The following CDS2 variants were observed in gnomAD, a reference collection of about 807,000 sequenced individuals.
The protein encoded by CDS2 is phosphatidate cytidylyltransferase 2.
A neutral mutation model predicts 59.0 loss-of-function variants in CDS2; 47 were observed. That is an observed-to-expected ratio of 0.80 (90% CI 0.63 to 1.02). The LOEUF (loss-of-function observed/expected upper bound fraction) is 1.02, where lower values mean the gene tolerates loss of function less well. Ranked by LOEUF, CDS2 falls within the 50% of genes least tolerant of loss-of-function variation. The pLI, the probability that CDS2 is intolerant of heterozygous loss-of-function variation, is 0.00. For synonymous variants in CDS2, 207 were observed against 206.4 expected, an observed-to-expected ratio of 1.00 and a Z score of -0.02; for missense variants, 356 against 558.9, an observed-to-expected ratio of 0.64 and a Z score of 3.66.
chr20:5,163,270 T>C (rs1184728693), intron 1 of CDS2, among the ~76,000 whole-genome samples: 1 of 152,242 alleles, frequency 6.6e-6, no homozygotes, highest in East Asian at 1.9e-4. Flanking sequence ...TATTTTTATT[T>C]ATTTTTTTGA....
chr20:5,127,727 T>A (rs891800743), intron 1 of CDS2, among the ~76,000 whole-genome samples: 3 of 151,706 alleles, frequency 2.0e-5, no homozygotes, highest in African/African-American at 7.3e-5. Context: ...GTTGATGGGT[T>A]GTTTCCTGCA....
At chr20:5,177,485 A>G (rs1218578880) in intron 4 of CDS2, among the ~76,000 whole-genome samples, 1 of 152,142 alleles carries the variant, frequency 6.6e-6, no homozygotes, top group Admixed American at 6.5e-5. Context: ...TTAAAGCAAA[A>G]AGAAAAACCT....
intron 1 of CDS2, among the ~76,000 whole-genome samples, chr20:5,169,656 C>A (rs964938654): frequency 7.2e-5 from 11 of 152,150 alleles, no homozygotes; most frequent in Non-Finnish European, 5.9e-5. Context: ...CTTGATAATG[C>A]CCATTACAAA....
At chr20:5,163,313 G>T (rs1412563763) in intron 1 of CDS2, among the ~76,000 whole-genome samples, 2 of 151,510 alleles carry the variant, frequency 1.3e-5, no homozygotes, top group Non-Finnish European at 2.9e-5. Flanking sequence ...CCAGGCTGAA[G>T]TGCAATGGCT....
intron 1 of CDS2, chr20:5,168,607 G>T (rs1468668209): frequency 1.9e-6 from 1 of 518,748 alleles, no homozygotes; most frequent in South Asian, 1.4e-5. Context: ...ATCCAGGTAG[G>T]AGGGTGGGCC....
chr20:5,159,596 G>T (rs1305616197), intron 1 of CDS2, among the ~76,000 whole-genome samples: 1 of 152,050 alleles, frequency 6.6e-6, no homozygotes, highest in Non-Finnish European at 1.5e-5. Flanking sequence ...CAGACTATTA[G>T]CAAGATGTCA....
intron 1 of CDS2, among the ~76,000 whole-genome samples, chr20:5,171,559 G>A (rs1296577899): frequency 6.6e-6 from 1 of 152,148 alleles, no homozygotes; most frequent in East Asian, 1.9e-4. Context: ...GGTTGCCGAT[G>A]GTGTGTGGGT....
intron 1 of CDS2, among the ~76,000 whole-genome samples, chr20:5,129,855 A>G (rs2090589843): frequency 6.6e-6 from 1 of 152,098 alleles, no homozygotes; most frequent in South Asian, 2.1e-4. Context: ...CTGAGACTAC[A>G]GACGTGAGCC....
intron 1 of CDS2, among the ~76,000 whole-genome samples, chr20:5,137,651 A>G (rs1338913523): frequency 6.6e-5 from 10 of 151,716 alleles, no homozygotes; most frequent in Non-Finnish European, 1.2e-4. Context: ...TCTCTACAAA[A>G]ATATTTTTTA....
intron 1 of CDS2, among the ~76,000 whole-genome samples, chr20:5,133,610 C>T (rs971600161): frequency 2.6e-5 from 4 of 152,152 alleles, no homozygotes; most frequent in Non-Finnish European, 4.4e-5. Flanking sequence ...TGACCGCAAC[C>T]TCTGCCTCCT....
At chr20:5,130,926 C>G (rs7264168) in intron 1 of CDS2, among the ~76,000 whole-genome samples, 22,379 of 151,040 alleles carry the variant, frequency 0.15, 2,220 homozygotes, top group African/African-American at 0.28. Flanking sequence ...CCCATCTCTA[C>G]TAAAAATACA....
rs2090971941 is a variant in CDS2, at chr20:5,173,529, G to C, written c.64G>C (p.Glu22Gln). ...CTGTATTTCTGCCACTTAGGAGTCA[G>C]AGTCAGAAGCAAAGGTAGATGGAGA... ...PVAPPEDKES[E>Q]SEAKVDGETA... Residue 22 changes from glutamate (E) to glutamine (Q), a missense_variant, in exon 2 of 13, where the codon GAG (glutamate) becomes CAG (glutamine). Glu to Gln is a conservative substitution (Grantham distance 29). Coordinates refer to ENST00000460006, the MANE Select transcript of CDS2 (RefSeq NM_003818.4). 1 of 1,614,062 alleles carries C rather than the reference G, an allele frequency of 6.2e-7. No individual in the cohort carries two copies. The highest frequency in any genetic ancestry group is 1.7e-5 in the Admixed American group (1 of 60,004).
At chr20:5,152,641 G>C (rs975226929) in intron 1 of CDS2, among the ~76,000 whole-genome samples, 4 of 152,192 alleles carry the variant, frequency 2.6e-5, no homozygotes, top group African/African-American at 9.7e-5. Flanking sequence ...TACTCGGGAG[G>C]CTGAGGCAGG....
chr20:5,189,096 TCACAG>T lies in CDS2; in HGVS notation c.1014_1018del (p.Ser339ArgfsTer25). ...CGGTCCGGATGTACCCCTTCCAGAT[TCACAG>T]CATCGCTCTCTCCACCTTTGCCTCG... On this transcript the variant is annotated frameshift_variant, in exon 11 of 13. Coordinates refer to ENST00000460006, the MANE Select transcript of CDS2 (RefSeq NM_003818.4). LOFTEE classifies it high-confidence loss of function. The T allele has an allele frequency of 6.2e-7, 1 of 1,614,200 alleles. No individual in the cohort carries two copies. The highest frequency in any genetic ancestry group is 1.1e-5 in the South Asian group (1 of 91,084).
At position 5,186,183 on chromosome 20, in the gene CDS2, C is replaced by T. The variant is rs1007050492; in HGVS notation, c.828+357C>T. Among the ~76,000 whole-genome samples the T allele has an allele frequency of 2.6e-5, 4 of 152,238 alleles. No individual in the cohort carries two copies. The South Asian group carries it at 8.3e-4, about 31-fold the overall frequency. ...TGCCCAGAGGTGGGTGATTTTCCTGCCCTTTCCAGAGCACCATTCTCTGCT... is the reference window on the plus strand; with the variant it reads ...TGCCCAGAGGTGGGTGATTTTCCTGTCCTTTCCAGAGCACCATTCTCTGCT... On this transcript the variant is annotated intron_variant, in intron 9 of 12. Coordinates refer to ENST00000460006, the MANE Select transcript of CDS2 (RefSeq NM_003818.4).
intron 1 of CDS2, among the ~76,000 whole-genome samples, chr20:5,135,142 G>T (rs1219305850): frequency 6.6e-6 from 1 of 152,104 alleles, no homozygotes; most frequent in Non-Finnish European, 1.5e-5. Flanking sequence ...GTCTTAAAAT[G>T]TTGACCATTG....
chr20:5,150,670 C>T (rs998868466), intron 1 of CDS2, among the ~76,000 whole-genome samples: 2 of 152,312 alleles, frequency 1.3e-5, no homozygotes, highest in Admixed American at 6.5e-5. Flanking sequence ...GCCCTCATCC[C>T]GAGGCCCAAC....
Position 5,190,338 on chromosome 20 carries a change from T to G in CDS2, c.*104T>G, listed in dbSNP as rs1600521091. The G allele has an allele frequency of 2.9e-6, 3 of 1,040,288 alleles. No individual in the cohort carries two copies. Among genetic ancestry groups the G allele is most frequent in the Non-Finnish European group, 4.0e-6 (3 of 753,946 alleles). 64.4% of individuals were successfully genotyped at this position (1,040,288 alleles called of 1,614,324 possible). ...AGACAATGACGAGGCTTCAACTCAC[T>G]GTCTTTTTTTTTTTTTTTTGGAGGG... On this transcript the variant is annotated 3_prime_UTR_variant, in exon 13 of 13. Coordinates refer to ENST00000460006, the MANE Select transcript of CDS2 (RefSeq NM_003818.4).
chr20:5,181,121 G>A (rs920495051), intron 5 of CDS2, among the ~76,000 whole-genome samples: 3 of 152,186 alleles, frequency 2.0e-5, no homozygotes, highest in Admixed American at 2.0e-4. Flanking sequence ...TCCATGAACT[G>A]GGTAATTGTT....
Sources: allele counts gnomAD v4.1 joint callset (sites outside exome capture counted in the v4.1 genomes callset), GRCh38; gene constraint gnomAD v4.1.1; transcripts MANE v1.5; gene names NCBI Gene and HGNC (gene_info 2026-07-23, HGNC 2026-07-21).